The following EPHB1 variants were observed in gnomAD, a reference collection of about 807,000 sequenced individuals.
The protein encoded by EPHB1 is EPH receptor B1.
A neutral mutation model predicts 94.4 loss-of-function variants in EPHB1; 30 were observed. The ratio of observed to expected loss-of-function variants is 0.32; its 90% CI spans 0.24 to 0.43. The LOEUF (loss-of-function observed/expected upper bound fraction) is 0.43. EPHB1 is among the 20% of genes least tolerant of loss of function. EPHB1 has a pLI of 1.00. For synonymous variants in EPHB1, 522 were observed against 489.1 expected (o/e 1.07, Z -0.89); for missense variants, 1,055 against 1,308.3 (o/e 0.81, Z 2.99).
In EPHB1 at chr3:135,206,706, A is replaced by C. The variant is rs191787209; in HGVS notation, c.2346+5017A>C. 2.3e-4 allele frequency among the ~76,000 whole-genome samples: 35 copies of C among 152,240 alleles called. No homozygotes were observed. The East Asian group carries it at 6.6e-3, about 29-fold the overall frequency. On this transcript the variant is annotated intron_variant, in intron 12 of 15. Transcript: ENST00000398015. ...CTCTACTAAATCCAAAAAATTAGCT[A>C]GGTTTGGTGACTCATGCCTGTAATC...
chr3:134,934,460 C>T (rs1282683450), intron 2 of EPHB1, among the ~76,000 whole-genome samples: 1 of 152,092 alleles, frequency 6.6e-6, no homozygotes, highest in Non-Finnish European at 1.5e-5. Context: ...CAATGGATCC[C>T]CAGGGGAGGA....
intron 3 of EPHB1, among the ~76,000 whole-genome samples, chr3:135,098,489 A>G (rs535584027): frequency 6.6e-6 from 1 of 152,236 alleles, no homozygotes; most frequent in African/African-American, 2.4e-5. Flanking sequence ...TATTTAGTCA[A>G]TACCTTATCA....
intron 1 of EPHB1, among the ~76,000 whole-genome samples, chr3:134,814,862 G>A (rs1192508556): frequency 6.6e-6 from 1 of 152,190 alleles, no homozygotes; most frequent in Non-Finnish European, 1.5e-5. Flanking sequence ...GTCACCACTC[G>A]GTGTGTGGCC....
At chr3:134,924,220 G>T (rs2038744708) in intron 1 of EPHB1, among the ~76,000 whole-genome samples, 1 of 152,072 alleles carries the variant, frequency 6.6e-6, no homozygotes, top group African/African-American at 2.4e-5. Flanking sequence ...GCACTAAACT[G>T]TAAAAGAAAA....
At position 134,951,989 on chromosome 3, in the gene EPHB1, G is replaced by T; in HGVS notation, c.742G>T (p.Val248Leu). 2 of 1,614,004 alleles carry T rather than the reference G, an allele frequency of 1.2e-6. No homozygotes were observed. The highest frequency in any genetic ancestry group is 2.7e-5 in the African/African-American group (2 of 75,052). ...CTGCAACGGGGATGGGGAATGGATG[G>T]TGCCTATTGGGCGATGCACCTGCAA... ...LYCNGDGEWM[V>L]PIGRCTCKPG... is the part of the protein sequence containing the mutation. The change falls in exon 3 of 16, where the codon GTG (valine) becomes TTG (leucine). Residue 248 changes from valine to leucine, a missense_variant. Coordinates refer to ENST00000398015, the MANE Select transcript of EPHB1 (RefSeq NM_004441.5). The surrounding 1 kb of genome is among the most constrained non-coding windows in gnomAD (Gnocchi z 4.5).
At chr3:134,911,915 G>A (rs1445448579) in intron 1 of EPHB1, among the ~76,000 whole-genome samples, 2 of 152,204 alleles carry the variant, frequency 1.3e-5, no homozygotes, top group Admixed American at 6.5e-5. Flanking sequence ...CGGAGCTGCT[G>A]CCAGTGCATG....
intron 10 of EPHB1, among the ~76,000 whole-genome samples, chr3:135,186,501 C>T (rs1377542412): frequency 6.6e-6 from 1 of 152,142 alleles, no homozygotes; most frequent in Non-Finnish European, 1.5e-5. Context: ...TTTAAAAATT[C>T]CATTTCTGGT....
intron 1 of EPHB1, among the ~76,000 whole-genome samples, chr3:134,901,270 T>A (rs769268635): frequency 2.1e-4 from 32 of 152,080 alleles, no homozygotes; most frequent in Non-Finnish European, 4.1e-4. Context: ...TTGGTTTATT[T>A]AAATCAGGAT....
chr3:135,061,137 A>G (rs1277824987), intron 3 of EPHB1, among the ~76,000 whole-genome samples: 2 of 152,212 alleles, frequency 1.3e-5, no homozygotes, highest in Admixed American at 6.5e-5. Context: ...ATTTAAAAAA[A>G]AATTTCCATA....
At chr3:134,960,225 A>G (rs1384576320) in intron 3 of EPHB1, among the ~76,000 whole-genome samples, 1 of 152,020 alleles carries the variant, frequency 6.6e-6, no homozygotes, top group East Asian at 1.9e-4. Context: ...AGGGTGAAGA[A>G]GACTGGAAAG....
In EPHB1 at chr3:135,014,454, A is replaced by G. The variant is rs1935723738; in HGVS notation, c.805+62402A>G. ...ATAATCAGAAATCCTAACTGATACA[A>G]GAGTGGTGCTGAGTTTTGAGTTATC... On this transcript the variant is annotated intron_variant, in intron 3 of 15. Coordinates refer to ENST00000398015, the MANE Select transcript of EPHB1 (RefSeq NM_004441.5). Among the ~76,000 whole-genome samples, 4 of 152,202 alleles carry G rather than the reference A, an allele frequency of 2.6e-5. No individual in the cohort carries two copies. The South Asian group carries it at 8.3e-4, about 31-fold the overall frequency.
intron 3 of EPHB1, among the ~76,000 whole-genome samples, chr3:135,050,790 A>T (rs1221050334): frequency 3.9e-5 from 6 of 152,034 alleles, no homozygotes. Flanking sequence ...GCCATATGAC[A>T]CGCCTCCTCC....
chr3:135,257,945 T>C (rs144880592), intron 15 of EPHB1, among the ~76,000 whole-genome samples: 579 of 152,242 alleles, frequency 3.8e-3, no homozygotes, highest in African/African-American at 0.013. Context: ...GTCGGAAAAG[T>C]GCAGTATTCG....
At chr3:134,947,820 A>C (rs2039241531) in intron 2 of EPHB1, among the ~76,000 whole-genome samples, 1 of 152,164 alleles carries the variant, frequency 6.6e-6, no homozygotes, top group African/African-American at 2.4e-5. Flanking sequence ...TTTGAGACAG[A>C]GTCTTGCTCT....
chr3:135,241,046 T>C (rs58343608), intron 12 of EPHB1, 102 bp from the exon 13 acceptor site: 65,113 of 1,337,454 alleles, frequency 0.049, 1,978 homozygotes, highest in African/African-American at 0.058. Flanking sequence ...TCACAAGATA[T>C]GGGAGTGAGA....
chr3:135,057,546 G>C (rs1937382604), intron 3 of EPHB1, among the ~76,000 whole-genome samples: 1 of 152,116 alleles, frequency 6.6e-6, no homozygotes, highest in African/African-American at 2.4e-5. Flanking sequence ...TCTCTATAGA[G>C]TCAGGCAGTC....
intron 12 of EPHB1, among the ~76,000 whole-genome samples, chr3:135,238,748 TCA>T (rs3036897): frequency 6.6e-6 from 1 of 150,936 alleles, no homozygotes; most frequent in African/African-American, 2.4e-5. Flanking sequence ...TCTCTCTCTC[TCA>T]CACACACACA....
At chr3:135,142,267 T>C (rs980054093) in intron 5 of EPHB1, among the ~76,000 whole-genome samples, 7 of 152,148 alleles carry the variant, frequency 4.6e-5, no homozygotes, top group Non-Finnish European at 8.8e-5. Flanking sequence ...AATTCAATAT[T>C]TCTGGAAAGT....
chr3:135,096,976 G>A (rs1163639970), intron 3 of EPHB1, among the ~76,000 whole-genome samples: 4 of 151,676 alleles, frequency 2.6e-5, no homozygotes, highest in East Asian at 1.9e-4. Flanking sequence ...CATGCCTGTA[G>A]TCCCAGCTAC....
Sources: gnomAD v4.1 joint callset for allele counts (sites outside exome capture counted in the v4.1 genomes callset) on GRCh38, gnomAD v4.1.1 for gene constraint, Gnocchi (gnomAD v3.1) non-coding constraint, MANE v1.5 for transcripts, NCBI Gene and HGNC (gene_info 2026-07-23, HGNC 2026-07-21) for gene names.